The following PMF1 variants were observed in gnomAD, a reference collection of about 807,000 sequenced individuals.
The protein encoded by PMF1 is polyamine modulated factor 1, also known as polyamine-modulated factor 1.
A neutral mutation model predicts 26.7 loss-of-function variants in PMF1; 21 were observed. That is an observed-to-expected ratio of 0.79 (90% CI 0.56 to 1.13). The LOEUF (loss-of-function observed/expected upper bound fraction) is 1.13, where lower values mean the gene tolerates loss of function less well. PMF1 is among the 50% of genes most tolerant of loss of function. The probability of loss-of-function intolerance (pLI) is 0.00; values close to 1 mark genes in which losing one functional copy is unlikely to be tolerated. For synonymous variants in PMF1, 105 were observed against 101.0 expected (o/e 1.04, Z -0.24); for missense variants, 266 against 254.9 (o/e 1.04, Z -0.30).
intron 1 of PMF1, among the ~76,000 whole-genome samples, chr1:156,226,875 A>T (rs574640669): frequency 1.3e-5 from 2 of 152,182 alleles, no homozygotes; most frequent in Non-Finnish European, 2.9e-5. Context: ...GTGACCTCTT[A>T]TGTACCCTTG....
chr1:156,222,028 C>T (rs1658109621), intron 1 of PMF1, among the ~76,000 whole-genome samples: 2 of 152,250 alleles, frequency 1.3e-5, no homozygotes, highest in South Asian at 4.1e-4. Context: ...CAGTCTACAG[C>T]TCAGATTTGA....
intron 2 of PMF1, 84 bp downstream of exon 2, chr1:156,232,509 C>T (rs2251615): frequency 0.06 from 78,664 of 1,302,956 alleles, 3,243 homozygotes; most frequent in African/African-American, 0.16. Context: ...TGGCCCCACC[C>T]TCTACACCTC....
chr1:156,216,592 C>G (rs1482902730), intron 1 of PMF1, among the ~76,000 whole-genome samples: 4 of 151,512 alleles, frequency 2.6e-5, no homozygotes, highest in African/African-American at 4.8e-5. Context: ...CTCGCGCGTC[C>G]GAGCGTCCCG....
At chr1:156,213,231 C>T (rs1657483373) in intron 1 of PMF1, 55 bp downstream of exon 1, 5 of 1,594,990 alleles carry the variant, frequency 3.1e-6, no homozygotes, top group Middle Eastern at 4.0e-4. Flanking sequence ...GCTCAAATCC[C>T]GCGAGGTCAG....
chr1:156,226,958 C>T (rs1264119365), intron 1 of PMF1, among the ~76,000 whole-genome samples: 1 of 152,102 alleles, frequency 6.6e-6, no homozygotes, highest in East Asian at 1.9e-4. Context: ...AGAGGAGGCT[C>T]CTGGGGGAGG....
intron 3 of PMF1, among the ~76,000 whole-genome samples, chr1:156,234,191 A>C (rs1658872848): frequency 6.6e-6 from 1 of 152,212 alleles, no homozygotes. Context: ...CAGACACCAA[A>C]CAGTAAGCGA....
chr1:156,227,213 T>A (rs937580054), intron 1 of PMF1, among the ~76,000 whole-genome samples: 7 of 151,690 alleles, frequency 4.6e-5, no homozygotes, highest in African/African-American at 7.3e-5. Flanking sequence ...GAATTAAAAA[T>A]TTTTTTTTGG....
At chr1:156,238,924 C>T (rs564998869) in intron 4 of PMF1, among the ~76,000 whole-genome samples, 58 of 152,084 alleles carry the variant, frequency 3.8e-4, no homozygotes, top group Non-Finnish European at 6.8e-4. Context: ...GGCACAGCTC[C>T]GAGTTGTGTC....
In PMF1 at chr1:156,239,922, C is replaced by A; in HGVS notation, c.*321C>A. 1 of 337,128 alleles carries A rather than the reference C, an allele frequency of 3.0e-6. No individual in the cohort carries two copies. The highest frequency in any genetic ancestry group is 5.6e-5 in the South Asian group (1 of 17,738). 20.9% of individuals were successfully genotyped at this position (337,128 alleles called of 1,614,324 possible). A position where few individuals can be genotyped will look rare whatever the true frequency, so the allele number is the denominator to read the frequency against. The stretch of plus-strand genomic sequence containing the variant: ...CCTGCTGGTTCCCCAGCCCTTTTCC[C>A]TGGCCCTGGCTTGGAGAATCTGTTT... On this transcript the variant is annotated 3_prime_UTR_variant, in exon 5 of 5. Coordinates refer to ENST00000368277, the MANE Select transcript of PMF1 (RefSeq NM_007221.4).
At chr1:156,224,344 T>G (rs1658237477) in intron 1 of PMF1, among the ~76,000 whole-genome samples, 1 of 152,214 alleles carries the variant, frequency 6.6e-6, no homozygotes, top group African/African-American at 2.4e-5. Context: ...TATTTTACGG[T>G]TAACCACAGT....
chr1:156,214,569 G>A (rs1302948876), intron 1 of PMF1, among the ~76,000 whole-genome samples: 3 of 152,048 alleles, frequency 2.0e-5, no homozygotes. Context: ...TCATCACATA[G>A]GCTGGTAAGA....
rs538422534 is a variant in PMF1, at chr1:156,218,718, G to T, written c.161+5542G>T. ...AATTGCTTGAACCTGGGAGGCGGAG[G>T]TTGCAGTGAGCTGAGATTGCGCCAC... On this transcript the variant is annotated intron_variant, in intron 1 of 4. Coordinates refer to ENST00000368277, the MANE Select transcript of PMF1 (RefSeq NM_007221.4). 3.9e-5 allele frequency among the ~76,000 whole-genome samples: 6 copies of T among 152,074 alleles called. No homozygotes were observed. In the East Asian group the frequency reaches 9.8e-4, roughly 25 times the overall value.
intron 1 of PMF1, among the ~76,000 whole-genome samples, chr1:156,228,314 T>G (rs1285384753): frequency 5.8e-5 from 8 of 138,968 alleles, no homozygotes; most frequent in Admixed American, 4.5e-4. Context: ...TGCTTCTCCC[T>G]GAGTATATTT....
At chr1:156,214,391 A>G (rs2103068896) in intron 1 of PMF1, among the ~76,000 whole-genome samples, 1 of 152,214 alleles carries the variant, frequency 6.6e-6, no homozygotes, top group South Asian at 2.1e-4. Context: ...ATCTGTTCCC[A>G]GTCCATTCCT....
At chr1:156,224,388 A>G (rs1386159380) in intron 1 of PMF1, among the ~76,000 whole-genome samples, 1 of 152,222 alleles carries the variant, frequency 6.6e-6, no homozygotes, top group Non-Finnish European at 1.5e-5. Flanking sequence ...TCCTAATTGT[A>G]CCTGTCGAAA....
At chr1:156,238,457 T>C (rs1267665138) in intron 4 of PMF1, among the ~76,000 whole-genome samples, 1 of 152,228 alleles carries the variant, frequency 6.6e-6, no homozygotes, top group African/African-American at 2.4e-5. Flanking sequence ...AGTAGCAGCT[T>C]GGCTGCACCA....
At chr1:156,222,319 T>C (rs551002374) in intron 1 of PMF1, among the ~76,000 whole-genome samples, 1 of 152,284 alleles carries the variant, frequency 6.6e-6, no homozygotes, top group Admixed American at 6.5e-5. Flanking sequence ...TTTGATTAAA[T>C]AGGAACTTAC....
At chr1:156,213,646 G>A (rs971089324) in intron 1 of PMF1, among the ~76,000 whole-genome samples, 3 of 151,818 alleles carry the variant, frequency 2.0e-5, no homozygotes. Flanking sequence ...CAGGGTTTAA[G>A]TCGCGGCCCA....
At chr1:156,225,978 C>G (rs556811580) in intron 1 of PMF1, among the ~76,000 whole-genome samples, 7 of 152,120 alleles carry the variant, frequency 4.6e-5, no homozygotes, top group African/African-American at 1.7e-4. Context: ...CCTCAGCCTG[C>G]CAAGTAGCTG....
Sources: gnomAD v4.1 joint callset for allele counts (sites outside exome capture counted in the v4.1 genomes callset) on GRCh38, gnomAD v4.1.1 for gene constraint, MANE v1.5 for transcripts, NCBI Gene and HGNC (gene_info 2026-07-23, HGNC 2026-07-21) for gene names.